The following RELA variants were observed in gnomAD, a reference collection of about 807,000 sequenced individuals.
RELA encodes the protein transcription factor p65.
Under a neutral mutation model 56.7 loss-of-function variants are expected in RELA, and 14 were observed. The ratio of observed to expected loss-of-function variants is 0.25; its 90% CI spans 0.16 to 0.39. The LOEUF (loss-of-function observed/expected upper bound fraction) is 0.39. Ranked by LOEUF, RELA falls within the 10% of genes least tolerant of loss-of-function variation. RELA has a pLI of 1.00. For missense variants in RELA, 559 were observed against 736.4 expected, an observed-to-expected ratio of 0.76 and a Z score of 2.79; for synonymous variants, 315 against 289.7, an observed-to-expected ratio of 1.09 and a Z score of -0.89.
At chr11:65,659,528 C>G (rs1856510232) in intron 6 of RELA, 138 bp downstream of exon 6, 3 of 1,138,482 alleles carry the variant, frequency 2.6e-6, no homozygotes, top group Non-Finnish European at 2.5e-6. Flanking sequence ...CAACAAAGAG[C>G]TGGGCAGAGA....
Position 65,655,629 on chromosome 11 carries a change from G to A in RELA, c.1033+59C>T, listed in dbSNP as rs1164525700. On this transcript the variant is annotated intron_variant, in intron 10 of 10. Transcript: ENST00000406246. Reference sequence around the variant, plus strand: ...GGGCCCAGGAGTCTTCATCTCCACTGCTCCTCAGCTGAACAGAGCTGAACC... The same window carrying A: ...GGGCCCAGGAGTCTTCATCTCCACTACTCCTCAGCTGAACAGAGCTGAACC... 4 of 1,519,618 alleles carry A rather than the reference G, an allele frequency of 2.6e-6. No homozygotes were observed. The South Asian group carries it at 4.5e-5, about 17-fold the overall frequency. 94.1% of individuals were successfully genotyped at this position (1,519,618 alleles called of 1,614,324 possible). A position where few individuals can be genotyped will look rare whatever the true frequency, so the allele number is the denominator to read the frequency against.
At chr11:65,656,095 C>T (rs1306182065) in intron 8 of RELA, 160 bp from the exon 9 acceptor site, 3 of 702,948 alleles carry the variant, frequency 4.3e-6, no homozygotes, top group Admixed American at 4.1e-5. Flanking sequence ...CTCAGCAGTT[C>T]TGAGAATCCC....
Position 65,661,906 on chromosome 11 carries a change from C to G in RELA, c.186+31G>C, listed in dbSNP as rs373229743. 5 of 1,607,032 alleles carry G rather than the reference C, an allele frequency of 3.1e-6. No homozygotes were observed. The South Asian group carries it at 5.5e-5, about 18-fold the overall frequency. On this transcript the variant is annotated intron_variant, in intron 3 of 10. Coordinates refer to ENST00000406246, the MANE Select transcript of RELA (RefSeq NM_021975.4). ...CACAGAGGGCTGGGGTTCCACAGTCCCTTCCCCGCACACCCTGGCGCAGTG... is the reference window on the plus strand; with the variant it reads ...CACAGAGGGCTGGGGTTCCACAGTCGCTTCCCCGCACACCCTGGCGCAGTG...
Position 65,654,265 on chromosome 11 carries a change from A to G in RELA, c.*113T>C. On this transcript the variant is annotated 3_prime_UTR_variant, in exon 11 of 11. Transcript: ENST00000406246. ...AATATGGCTCCCCCCTCCAAGGAAG[A>G]CATCCACAAAGTTGGGGGCAGTTGG... 1 of 1,292,222 alleles carries G rather than the reference A, an allele frequency of 7.7e-7. No individual in the cohort carries two copies. Among genetic ancestry groups the G allele is most frequent in the Non-Finnish European group, 1.1e-6 (1 of 898,258 alleles). The allele number at this position is 1,292,222 out of a possible 1,614,324, so 80.0% of individuals were successfully genotyped here. A position where few individuals can be genotyped will look rare whatever the true frequency, so the allele number is the denominator to read the frequency against.
In RELA at chr11:65,659,718, T is replaced by G. The variant is rs1159652903; in HGVS notation, c.507A>C (p.Ser169=). Reference sequence around the variant, plus strand: ...CAGGCGGCAGGCGGAGGGGCCTGCCTGATGGGTCCCGCACTGTCACCTGGA... The same window carrying G: ...CAGGCGGCAGGCGGAGGGGCCTGCCGGATGGGTCCCGCACTGTCACCTGGA... The part of the protein sequence containing the change: ...LCFQVTVRDP[S]GRPLRLPPVL... Residue 169 remains serine, a synonymous_variant, in exon 6 of 11, where the codon TCA becomes TCC. Transcript: ENST00000406246. The G allele has an allele frequency of 3.7e-6, 6 of 1,613,822 alleles. No homozygotes were observed. The African/African-American group carries it at 8.0e-5, about 22-fold the overall frequency.
intron 4 of RELA, among the ~76,000 whole-genome samples, chr11:65,661,163 GA>G (rs1177370963): frequency 1.3e-5 from 2 of 152,000 alleles, no homozygotes; most frequent in Non-Finnish European, 2.9e-5. Flanking sequence ...GCCTCCCTGG[GA>G]CTATAGGCGC....
intron 8 of RELA, among the ~76,000 whole-genome samples, chr11:65,656,167 G>T (rs1856422537): frequency 6.6e-6 from 1 of 152,192 alleles, no homozygotes; most frequent in Admixed American, 6.5e-5. Context: ...GTGAGGCCGA[G>T]TACAGGGGCC....
At chr11:65,657,370 C>T (rs1182545807) in intron 8 of RELA, among the ~76,000 whole-genome samples, 1 of 152,220 alleles carries the variant, frequency 6.6e-6, no homozygotes, top group Admixed American at 6.5e-5. Flanking sequence ...TCCTGGACTA[C>T]AGCAACATTT....
intron 4 of RELA, 82 bp downstream of exon 4, chr11:65,661,604 GA>G: frequency 7.4e-7 from 1 of 1,350,582 alleles, no homozygotes; most frequent in South Asian, 1.4e-5. Flanking sequence ...CCTGGGTCCA[GA>G]AAGGAGTAAC....
rs181256726 is a variant in RELA at position 65,654,234 on chromosome 11, G to T, written c.*144C>A. On this transcript the variant is annotated 3_prime_UTR_variant, in exon 11 of 11. Transcript: ENST00000406246. ...AGAGATACAGATACTGACAATAAAAGAATAAAATATGGCTCCCCCCTCCAA... is the reference window on the plus strand; with the variant it reads ...AGAGATACAGATACTGACAATAAAATAATAAAATATGGCTCCCCCCTCCAA... 2.0e-6 allele frequency: 2 copies of T among 979,580 alleles called. No homozygotes were observed. Among genetic ancestry groups the T allele is most frequent in the East Asian group, 2.6e-5 (1 of 38,586 alleles). 60.7% of individuals were successfully genotyped at this position (979,580 alleles called of 1,614,324 possible).
intron 10 of RELA, 43 bp downstream of exon 10, chr11:65,655,645 G>C: frequency 6.4e-7 from 1 of 1,571,712 alleles, no homozygotes; most frequent in Non-Finnish European, 8.8e-7. Flanking sequence ...CAGCTGAACA[G>C]AGCTGAACCT....
chr11:65,659,923 C>A (rs570259545), intron 5 of RELA, 126 bp from the exon 6 acceptor site: 23 of 1,312,694 alleles, frequency 1.8e-5, no homozygotes, highest in Admixed American at 2.3e-5. Context: ...CTAGAGGAGG[C>A]AGAACCCAGC....
At position 65,653,972 on chromosome 11, in the gene RELA, T is replaced by C. The variant is rs1040627563; in HGVS notation, c.*406A>G. On this transcript the variant is annotated 3_prime_UTR_variant, in exon 11 of 11. Coordinates refer to ENST00000406246, the MANE Select transcript of RELA (RefSeq NM_021975.4). ...ATCTGGGGCGTTATTTTGATTAAGC[T>C]GTAATGAATCCATGATGGAAGACAC... is the stretch of plus-strand genomic sequence containing the variant. 3.4e-6 allele frequency: 1 copy of C among 294,044 alleles called. No individual in the cohort carries two copies. Among genetic ancestry groups the C allele is most frequent in the Non-Finnish European group, 6.6e-6 (1 of 152,312 alleles). 18.2% of individuals were successfully genotyped at this position (294,044 alleles called of 1,614,324 possible).
chr11:65,655,606 G>A (rs138832483), intron 10 of RELA, 82 bp downstream of exon 10: 2 of 1,352,466 alleles, frequency 1.5e-6, no homozygotes, highest in East Asian at 4.8e-5. Flanking sequence ...CTGTAATGGG[G>A]CCCAGGAGTC....
chr11:65,662,725 G>A (rs548983168), intron 1 of RELA, 101 bp downstream of exon 1: 58 of 957,768 alleles, frequency 6.1e-5, no homozygotes, highest in Non-Finnish European at 7.6e-5. Flanking sequence ...CCTGCGCAGC[G>A]CCCGTCGGCG....
rs1856608735 is a variant in RELA at position 65,662,827 on chromosome 11, G to A, written c.6C>T (p.Asp2=). 1 of 1,199,630 alleles carries A rather than the reference G, an allele frequency of 8.3e-7. No homozygotes were observed. The highest frequency in any genetic ancestry group is 4.1e-5 in the South Asian group (1 of 24,102). 74.3% of individuals were successfully genotyped at this position (1,199,630 alleles called of 1,614,324 possible). A position where few individuals can be genotyped will look rare whatever the true frequency, so the allele number is the denominator to read the frequency against. Residue 2 remains aspartate, a splice_region_variant and synonymous_variant, in exon 1 of 11, where the codon GAC becomes GAT. Transcript: ENST00000406246. ...CGCGGGGTCAGAGGGCGACCTCACC[G>A]TCCATGGCCGGGGTCCCGGGGGCGG... M[D]ELFPLIFPAE... is the part of the protein sequence containing the mutation.
Position 65,658,649 on chromosome 11 carries a change from G to A in RELA, c.664+69C>T, listed in dbSNP as rs576434232. The A allele has an allele frequency of 2.7e-6, 4 of 1,481,564 alleles. No individual in the cohort carries two copies. In the Admixed American group the frequency reaches 6.7e-5, roughly 25 times the overall value. The allele number at this position is 1,481,564 out of a possible 1,614,324, so 91.8% of individuals were successfully genotyped here. On this transcript the variant is annotated intron_variant, in intron 7 of 10. Transcript: ENST00000406246. The surrounding 1 kb of genome is among the most constrained non-coding windows in gnomAD (Gnocchi z 4.5). ...AGGAAGTATCCAAAGCCAGTTACCT[G>A]ACACTCCACTTCTCTGCTCAGCTTC...
chr11:65,662,568 G>C (rs1318832240), intron 1 of RELA: 1 of 393,142 alleles, frequency 2.5e-6, no homozygotes, highest in South Asian at 1.0e-4. Flanking sequence ...GGACGGTGTG[G>C]AGGGAAACTG....
rs531218686 is a variant in RELA, at chr11:65,660,995, C to T, written c.335+692G>A. On this transcript the variant is annotated intron_variant, in intron 4 of 10. Transcript: ENST00000406246. The stretch of plus-strand genomic sequence containing the variant: ...TGGAGGTTGCAGTGAGCTGAGATCG[C>T]GCCACTGCACTCCAGTCTGGGGACA... Among the ~76,000 whole-genome samples the T allele has an allele frequency of 3.1e-4, 46 of 147,442 alleles. No individual in the cohort carries two copies. In the Middle Eastern group the frequency reaches 0.01, roughly 33 times the overall value.
Sources: allele counts gnomAD v4.1 joint callset (sites outside exome capture counted in the v4.1 genomes callset), GRCh38; gene constraint gnomAD v4.1.1; non-coding constraint Gnocchi (gnomAD v3.1); transcripts MANE v1.5; gene names NCBI Gene and HGNC (gene_info 2026-07-23, HGNC 2026-07-21).